RBMS3: variants seen among roughly 807,000 people sequenced by gnomAD.
RBMS3 encodes RNA binding motif single stranded interacting protein 3, also known as RNA-binding motif, single-stranded-interacting protein 3.
Under a neutral mutation model 66.8 loss-of-function variants are expected in RBMS3, and 27 were observed. That is an observed-to-expected ratio of 0.40 (90% confidence interval 0.30 to 0.56). RBMS3 has a LOEUF of 0.56. RBMS3 is among the 20% of genes least tolerant of loss of function. RBMS3 has a pLI of 0.40. For synonymous variants in RBMS3, 188 were observed against 183.0 expected (o/e 1.03, Z -0.22); for missense variants, 513 against 549.5 (o/e 0.93, Z 0.66).
rs1400645910 is a variant in RBMS3 at position 30,009,012 on chromosome 3, A to G, written c.*5150A>G. 1 of 152,134 alleles carries G rather than the reference A, an allele frequency of 6.6e-6. No individual in the cohort carries two copies. The highest frequency in any genetic ancestry group is 2.4e-5 in the African/African-American group (1 of 41,448). 9.4% of individuals were successfully genotyped at this position (152,134 alleles called of 1,614,324 possible). A position where few individuals can be genotyped will look rare whatever the true frequency, so the allele number is the denominator to read the frequency against. On this transcript the variant is annotated 3_prime_UTR_variant, in exon 15 of 15. Coordinates refer to ENST00000383767, the MANE Select transcript of RBMS3 (RefSeq NM_001003793.3). Reference sequence around the variant, plus strand: ...GCAAAAAAGGGATGAATGGCTTTCAATATTCATTTCTGTTTATTTTTGTGA... The same window carrying G: ...GCAAAAAAGGGATGAATGGCTTTCAGTATTCATTTCTGTTTATTTTTGTGA...
chr3:29,663,549 C>T (rs2050637526), intron 4 of RBMS3, among the ~76,000 whole-genome samples: 1 of 152,130 alleles, frequency 6.6e-6, no homozygotes, highest in African/African-American at 2.4e-5. Flanking sequence ...ATAAGCTCCT[C>T]TTGAAGCCTG....
chr3:29,813,653 C>G (rs34832960), intron 6 of RBMS3, among the ~76,000 whole-genome samples: 11,452 of 151,764 alleles, frequency 0.075, 577 homozygotes, highest in South Asian at 0.12. Context: ...TCTTTTTTTT[C>G]GTTGAGCCGT....
In RBMS3 at chr3:29,756,711, C is replaced by G. The variant is rs78362550; in HGVS notation, c.558-6199C>G. Among the ~76,000 whole-genome samples, 639 of 152,190 alleles carry G rather than the reference C, an allele frequency of 4.2e-3. 16 individuals are homozygous for G. Among genetic ancestry groups the G allele is most frequent in the Admixed American group, 0.035 (529 of 15,282 alleles). Reference sequence around the variant, plus strand: ...CCAAGCTACCCACATTTCTTCCCAGCAACTACAAAATGTGGGAGTACCCAC... The same window carrying G: ...CCAAGCTACCCACATTTCTTCCCAGGAACTACAAAATGTGGGAGTACCCAC... On this transcript the variant is annotated intron_variant, in intron 5 of 14. Coordinates refer to ENST00000383767, the MANE Select transcript of RBMS3 (RefSeq NM_001003793.3).
intron 1 of RBMS3, among the ~76,000 whole-genome samples, chr3:29,400,270 A>C (rs368101409): frequency 3.9e-4 from 59 of 152,252 alleles, no homozygotes; most frequent in African/African-American, 1.4e-3. Flanking sequence ...GACACATGCT[A>C]CAATATGATG....
intron 14 of RBMS3, among the ~76,000 whole-genome samples, chr3:29,992,945 G>A (rs1443993604): frequency 1.3e-5 from 2 of 152,138 alleles, no homozygotes; most frequent in Non-Finnish European, 2.9e-5. Context: ...TACTCAAGAA[G>A]GGGACTCAGT....
At chr3:29,967,147 T>C (rs1235024836) in intron 12 of RBMS3, among the ~76,000 whole-genome samples, 1 of 152,184 alleles carries the variant, frequency 6.6e-6, no homozygotes, top group Admixed American at 6.5e-5. Context: ...CAGTCTGTAG[T>C]TGTCTTTTTG....
intron 10 of RBMS3, among the ~76,000 whole-genome samples, chr3:29,920,718 G>A (rs1476931131): frequency 1.3e-5 from 2 of 152,034 alleles, no homozygotes; most frequent in African/African-American, 4.8e-5. Context: ...GCTGATGCCT[G>A]TAATCCCAGC....
Position 29,457,827 on chromosome 3 carries a change from C to CTTTTTTTTTTT in RBMS3, c.248+22919_248+22929dup, listed in dbSNP as rs36020077. 1.4e-5 allele frequency among the ~76,000 whole-genome samples: 2 copies of CTTTTTTTTTTT among 140,832 alleles called. 1 individual carries two copies. Among genetic ancestry groups the CTTTTTTTTTTT allele is most frequent in the African/African-American group, 5.2e-5 (2 of 38,302 alleles). 92.4% of individuals were successfully genotyped at this position (140,832 alleles called of 152,430 possible). On this transcript the variant is annotated intron_variant, in intron 2 of 14. Transcript: ENST00000383767. ...AGCTCTTACCATTTCTCAATTTGCA[C>CTTTTTTTTTTT]TTTTTTTTTTTTTTTTTGACATTAA...
At chr3:29,415,774 A>AT (rs2040453341) in intron 1 of RBMS3, among the ~76,000 whole-genome samples, 2 of 141,594 alleles carry the variant, frequency 1.4e-5, no homozygotes, top group South Asian at 2.3e-4. Flanking sequence ...ATGACAATGA[A>AT]ATTTTTTTTT....
chr3:29,875,546 G>T (rs1051257002), intron 7 of RBMS3, among the ~76,000 whole-genome samples: 6 of 151,022 alleles, frequency 4.0e-5, no homozygotes, highest in Non-Finnish European at 8.8e-5. Flanking sequence ...CAATTTCACA[G>T]ATATTAAAAT....
chr3:29,988,915 GGTTCTCAAAT>G (rs1330455867), intron 13 of RBMS3, among the ~76,000 whole-genome samples: 1 of 152,130 alleles, frequency 6.6e-6, no homozygotes, highest in African/African-American at 2.4e-5. Flanking sequence ...CTAATGCACT[GGTTCTCAAAT>G]TTTCTGCACA....
intron 8 of RBMS3, among the ~76,000 whole-genome samples, chr3:29,889,986 A>G (rs1331269265): frequency 2.0e-5 from 3 of 151,650 alleles, no homozygotes; most frequent in Non-Finnish European, 4.4e-5. Flanking sequence ...CTCTGTCCTG[A>G]GTGAAAGATG....
intron 2 of RBMS3, 26 bp from the exon 3 acceptor site, chr3:29,488,415 G>GAT (rs1559404165): frequency 1.3e-6 from 2 of 1,518,340 alleles, no homozygotes; most frequent in Non-Finnish European, 1.8e-6. Context: ...CAATAACATG[G>GAT]GTTTTTTTCT....
At chr3:29,787,917 T>C (rs1487483168) in intron 6 of RBMS3, among the ~76,000 whole-genome samples, 1 of 152,208 alleles carries the variant, frequency 6.6e-6, no homozygotes, top group African/African-American at 2.4e-5. Flanking sequence ...TTCATTATGA[T>C]GGATTCTTCT....
chr3:29,929,303 T>A (rs894883283), intron 10 of RBMS3, among the ~76,000 whole-genome samples: 10 of 152,316 alleles, frequency 6.6e-5, no homozygotes, highest in Admixed American at 2.6e-4. Flanking sequence ...CAAAAGCTAC[T>A]GATAAACTTG....
chr3:29,306,916 T>G (rs1023696506), intron 1 of RBMS3, among the ~76,000 whole-genome samples: 3 of 151,956 alleles, frequency 2.0e-5, no homozygotes, highest in African/African-American at 7.2e-5. Flanking sequence ...TCACTGAGTC[T>G]TATTCATTTT....
intron 1 of RBMS3, among the ~76,000 whole-genome samples, chr3:29,315,925 A>T (rs1242587808): frequency 6.6e-6 from 1 of 151,598 alleles, no homozygotes; most frequent in Admixed American, 6.6e-5. Context: ...AGGTTTTGTT[A>T]TTGTTCTTTT....
intron 3 of RBMS3, among the ~76,000 whole-genome samples, chr3:29,551,986 A>T (rs2046195730): frequency 6.9e-6 from 1 of 145,096 alleles, no homozygotes; most frequent in African/African-American, 2.6e-5. Flanking sequence ...ACAAATAAAA[A>T]TTGTTCTAAC....
intron 1 of RBMS3, among the ~76,000 whole-genome samples, chr3:29,413,408 AC>A (rs1262095187): frequency 2.0e-5 from 3 of 151,438 alleles, no homozygotes; most frequent in Non-Finnish European, 4.4e-5. Flanking sequence ...ATACATACAT[AC>A]ATACATACAT....
Sources: allele counts gnomAD v4.1 joint callset (sites outside exome capture counted in the v4.1 genomes callset), GRCh38; gene constraint gnomAD v4.1.1; transcripts MANE v1.5; gene names NCBI Gene and HGNC (gene_info 2026-07-23, HGNC 2026-07-21).